Variants in LRRC37A observed in about 807,000 individuals in gnomAD.
LRRC37A encodes leucine rich repeat containing 37A, also known as leucine-rich repeat-containing protein 37A.
Under a neutral mutation model 35.4 loss-of-function variants are expected in LRRC37A, and 3 were observed. That is an observed-to-expected ratio of 0.08 (90% CI 0.04 to 0.22). The LOEUF (loss-of-function observed/expected upper bound fraction) is 0.22. LRRC37A is among the 10% of genes least tolerant of loss of function. The probability of loss-of-function intolerance (pLI) is 1.00; values close to 1 mark genes in which losing one functional copy is unlikely to be tolerated. For synonymous variants in LRRC37A, 23 were observed against 215.0 expected (o/e 0.11, Z 7.81); for missense variants, 67 against 565.3 (o/e 0.12, Z 8.94).
the LRRC37A span, among the ~76,000 whole-genome samples, chr17:46,252,741 A>G: frequency 1.3e-5 from 2 of 152,114 alleles, no homozygotes; most frequent in Non-Finnish European, 2.9e-5. Context: ...TTCTTAGTAT[A>G]GAACAAAATG....
the LRRC37A span, among the ~76,000 whole-genome samples, chr17:46,264,720 C>A: frequency 6.6e-6 from 1 of 152,242 alleles, no homozygotes; most frequent in East Asian, 1.9e-4. Flanking sequence ...CAGCACTGGA[C>A]TCTGGTGAGT....
chr17:46,260,130 C>A, the LRRC37A span: 8 of 1,354,274 alleles, frequency 5.9e-6, no homozygotes, highest in East Asian at 1.6e-4. Context: ...CGGGACCCAG[C>A]GGCTGCAGCG....
chr17:46,281,094 T>A, the LRRC37A span, among the ~76,000 whole-genome samples: 1 of 152,212 alleles, frequency 6.6e-6, no homozygotes, highest in Admixed American at 6.5e-5. Flanking sequence ...ATTCTTGTTT[T>A]ATAGATTGTC....
At chr17:46,291,867 G>A (rs189465443), upstream of LRRC37A, among the ~76,000 whole-genome samples, 29 of 151,628 alleles carry the variant, frequency 1.9e-4, no homozygotes, top group East Asian at 3.3e-3. Context: ...AACCTGAGGC[G>A]GAAGGACTTA....
chr17:46,265,085 G>C, the LRRC37A span, among the ~76,000 whole-genome samples: 1 of 152,186 alleles, frequency 6.6e-6, no homozygotes, highest in Admixed American at 6.5e-5. Context: ...ACCTGACTCT[G>C]GTGTACCCAA....
In LRRC37A at chr17:46,330,898, G is replaced by C. The variant is rs78117635; in HGVS notation, c.3621G>C (p.Thr1207=). Reference sequence around the variant, plus strand: ...ACGCTGCCGAAGAAAAAAGGCTCACGAGTCCAGCCCCAAGGGAGGTGGAAC... The same window carrying C: ...ACGCTGCCGAAGAAAAAAGGCTCACCAGTCCAGCCCCAAGGGAGGTGGAAC... Residue 1207 remains threonine, a synonymous_variant, in exon 9 of 14, where the codon ACG becomes ACC. Coordinates refer to ENST00000320254, the Ensembl canonical transcript of LRRC37A. 36 of 724,904 alleles carry C rather than the reference G, an allele frequency of 5.0e-5. 15 individuals carry two copies. The highest frequency in any genetic ancestry group is 1.4e-3 in the Middle Eastern group (2 of 1,392). The allele number at this position is 724,904 out of a possible 1,614,324, so 44.9% of individuals were successfully genotyped here.
At chr17:46,289,011 TG>T (rs113986794), upstream of LRRC37A, among the ~76,000 whole-genome samples, 11,876 of 136,658 alleles carry the variant, frequency 0.087, 1 homozygote, top group Middle Eastern at 0.16. Flanking sequence ...AACATACTAT[TG>T]TCTCAATATG....
chr17:46,286,102 C>T, the LRRC37A span, among the ~76,000 whole-genome samples: 7 of 152,284 alleles, frequency 4.6e-5, 1 homozygote, highest in East Asian at 1.9e-4. Flanking sequence ...CTGCAAGATC[C>T]GAAATGGAAA....
the LRRC37A span, chr17:46,259,427 G>T: frequency 3.4e-5 from 34 of 997,034 alleles, no homozygotes; most frequent in East Asian, 7.6e-4. Flanking sequence ...AGGCTGATGG[G>T]CCTGGGCCCA....
At chr17:46,285,305 A>G in the LRRC37A span, among the ~76,000 whole-genome samples, 23 of 143,478 alleles carry the variant, frequency 1.6e-4, 1 homozygote, top group Middle Eastern at 3.6e-3. Flanking sequence ...CCATGGCTCG[A>G]TCTTGGCTCA....
upstream of LRRC37A, among the ~76,000 whole-genome samples, chr17:46,289,567 T>C (rs138516904): frequency 3.3e-5 from 5 of 151,274 alleles, no homozygotes; most frequent in African/African-American, 7.3e-5. Flanking sequence ...CTCGAACTCC[T>C]GACCTCAGGT....
chr17:46,272,451 G>T, the LRRC37A span, among the ~76,000 whole-genome samples: 2 of 152,072 alleles, frequency 1.3e-5, no homozygotes, highest in African/African-American at 4.8e-5. Flanking sequence ...TCTCACTCTT[G>T]TCCCCCAGGC....
At chr17:46,258,104 A>G in the LRRC37A span, among the ~76,000 whole-genome samples, 1 of 152,236 alleles carries the variant, frequency 6.6e-6, no homozygotes, top group African/African-American at 2.4e-5. Flanking sequence ...GGACTTCTCC[A>G]TAGACTGCTT....
At chr17:46,298,663 G>A (rs2050236367) in intron 1 of LRRC37A, among the ~76,000 whole-genome samples, 2 of 92,976 alleles carry the variant, frequency 2.2e-5, no homozygotes, top group Non-Finnish European at 4.7e-5. Context: ...GGCAGAGCTT[G>A]CAGTGAGCCG....
At chr17:46,253,505 G>A in the LRRC37A span, among the ~76,000 whole-genome samples, 1 of 152,182 alleles carries the variant, frequency 6.6e-6, no homozygotes, top group African/African-American at 2.4e-5. Flanking sequence ...CCGGCACCTC[G>A]GGAGGCCGAG....
At chr17:46,261,170 T>C in the LRRC37A span, among the ~76,000 whole-genome samples, 22,207 of 152,064 alleles carry the variant, frequency 0.15, 2,269 homozygotes, top group Middle Eastern at 0.22. Flanking sequence ...AGAACTTACT[T>C]ACGTAACCAA....
the LRRC37A span, chr17:46,267,229 G>A: frequency 1.4e-6 from 1 of 712,388 alleles, no homozygotes. Flanking sequence ...ATCCCAGGGC[G>A]CCCGACCCAT....
At chr17:46,249,846 C>T in the LRRC37A span, among the ~76,000 whole-genome samples, 1 of 152,200 alleles carries the variant, frequency 6.6e-6, no homozygotes, top group South Asian at 2.1e-4. Flanking sequence ...GCTCTGTCGC[C>T]CAGGCTGGAG....
At chr17:46,266,086 G>A in the LRRC37A span, among the ~76,000 whole-genome samples, 1 of 152,244 alleles carries the variant, frequency 6.6e-6, no homozygotes, top group Non-Finnish European at 1.5e-5. Context: ...TTAGGAAGCA[G>A]TGACTTGGTG....
Sources: gnomAD v4.1 joint callset for allele counts (sites outside exome capture counted in the v4.1 genomes callset) on GRCh38, gnomAD v4.1.1 for gene constraint, MANE v1.5 for transcripts, NCBI Gene and HGNC (gene_info 2026-07-23, HGNC 2026-07-21) for gene names.